Variants in MYO1D observed in about 807,000 individuals in gnomAD.
The protein encoded by MYO1D is unconventional myosin-Id.
MYO1D carries 83 observed loss-of-function variants against 122.0 expected under a neutral mutation model. The ratio of observed to expected loss-of-function variants is 0.68; its 90% CI spans 0.57 to 0.82. The LOEUF (loss-of-function observed/expected upper bound fraction) is 0.82, where lower values mean the gene tolerates loss of function less well. MYO1D is among the 40% of genes least tolerant of loss of function. MYO1D has a pLI of 0.00. For missense variants in MYO1D, 1,157 were observed against 1,269.5 expected, an observed-to-expected ratio of 0.91 and a Z score of 1.35; for synonymous variants, 464 against 446.9, an observed-to-expected ratio of 1.04 and a Z score of -0.48.
At position 32,494,997 on chromosome 17, in the gene MYO1D, T is replaced by C. The variant is rs554092073; in HGVS notation, c.2865-82A>G. On this transcript the variant is annotated intron_variant, in intron 21 of 21. Coordinates refer to ENST00000318217, the MANE Select transcript of MYO1D (RefSeq NM_015194.3). ...CCTGCCCGGCAGCTCCCGGCCACCATTGGCTCCGGCGCAGCCTGCTTCCTC... is the reference window on the plus strand; with the variant it reads ...CCTGCCCGGCAGCTCCCGGCCACCACTGGCTCCGGCGCAGCCTGCTTCCTC... 2.8e-4 allele frequency: 402 copies of C among 1,441,938 alleles called. 1 individual carries two copies. The East Asian group carries it at 9.6e-3, about 35-fold the overall frequency. The allele number at this position is 1,441,938 out of a possible 1,614,324, so 89.3% of individuals were successfully genotyped here.
At chr17:32,585,595 T>C (rs1716533919) in intron 21 of MYO1D, among the ~76,000 whole-genome samples, 4 of 152,044 alleles carry the variant, frequency 2.6e-5, no homozygotes. Flanking sequence ...CCAGGTGTGG[T>C]AGCGGGCGCC....
chr17:32,781,879 T>C (rs1282462754), intron 1 of MYO1D, among the ~76,000 whole-genome samples: 2 of 152,142 alleles, frequency 1.3e-5, no homozygotes, highest in African/African-American at 2.4e-5. Flanking sequence ...AATCCACACA[T>C]AGAAACATAT....
At chr17:32,704,337 A>G (rs1186231182) in intron 16 of MYO1D, among the ~76,000 whole-genome samples, 1 of 152,222 alleles carries the variant, frequency 6.6e-6, no homozygotes, top group African/African-American at 2.4e-5. Context: ...GGCTTTTTAT[A>G]AAACACATTT....
At chr17:32,808,415 C>T (rs1016490816) in intron 1 of MYO1D, among the ~76,000 whole-genome samples, 5 of 149,382 alleles carry the variant, frequency 3.3e-5, no homozygotes, top group Non-Finnish European at 4.5e-5. Context: ...TTAAGTAATA[C>T]GTCAATAATC....
chr17:32,694,649 C>T (rs321165), intron 16 of MYO1D, among the ~76,000 whole-genome samples: 90,217 of 144,922 alleles, frequency 0.62, 28,217 homozygotes, highest in Middle Eastern at 0.75. Flanking sequence ...TGCAGTGAGC[C>T]GAGATTGCGC....
At chr17:32,538,935 A>C (rs1281124402) in intron 21 of MYO1D, among the ~76,000 whole-genome samples, 1 of 152,034 alleles carries the variant, frequency 6.6e-6, no homozygotes, top group Admixed American at 6.6e-5. Context: ...AACATCACAC[A>C]CAAGAGGCCG....
intron 11 of MYO1D, among the ~76,000 whole-genome samples, chr17:32,749,705 C>T (rs558040725): frequency 6.6e-6 from 1 of 152,244 alleles, no homozygotes; most frequent in South Asian, 2.1e-4. Context: ...CCAGCCTGGG[C>T]AATACAGCGA....
At chr17:32,675,518 A>C (rs889999998) in intron 16 of MYO1D, among the ~76,000 whole-genome samples, 1 of 152,180 alleles carries the variant, frequency 6.6e-6, no homozygotes, top group African/African-American at 2.4e-5. Flanking sequence ...AATAACAATC[A>C]AGTCAGAACA....
chr17:32,507,391 GAGAC>G (rs937803247), intron 21 of MYO1D, among the ~76,000 whole-genome samples: 1 of 152,072 alleles, frequency 6.6e-6, no homozygotes, highest in Non-Finnish European at 1.5e-5. Context: ...GTGACAGAGC[GAGAC>G]CCTATCTCAA....
At chr17:32,648,697 G>A (rs2088336508) in intron 19 of MYO1D, among the ~76,000 whole-genome samples, 3 of 152,198 alleles carry the variant, frequency 2.0e-5, no homozygotes, top group Non-Finnish European at 4.4e-5. Context: ...GGAGAGCTTT[G>A]GGGGTGGTGC....
intron 5 of MYO1D, among the ~76,000 whole-genome samples, 177 bp downstream of exon 5, chr17:32,772,612 A>G (rs565458086): frequency 6.6e-6 from 1 of 152,300 alleles, no homozygotes; most frequent in Non-Finnish European, 1.5e-5. Flanking sequence ...TGTTCATCCA[A>G]TCTCTTAAGC....
chr17:32,734,586 T>C (rs2089675702), intron 14 of MYO1D: 1 of 152,274 alleles, frequency 6.6e-6, no homozygotes, highest in Non-Finnish European at 1.5e-5. Context: ...CAGTATTCTA[T>C]AAATTCTGAC....
intron 1 of MYO1D, among the ~76,000 whole-genome samples, chr17:32,866,587 C>A (rs554161258): frequency 4.6e-5 from 7 of 152,334 alleles, no homozygotes; most frequent in African/African-American, 1.2e-4. Flanking sequence ...CCAGACTGAG[C>A]AGATTTACAC....
intron 1 of MYO1D, among the ~76,000 whole-genome samples, chr17:32,820,060 T>C (rs1046591967): frequency 6.6e-6 from 1 of 152,184 alleles, no homozygotes; most frequent in South Asian, 2.1e-4. Context: ...AGGAATCAAG[T>C]GGTTCAAAAC....
Position 32,712,190 on chromosome 17 carries a change from T to A in MYO1D, c.1919A>T (p.Lys640Met), listed in dbSNP as rs748275330. The A allele has an allele frequency of 1.9e-5, 31 of 1,612,068 alleles. No individual in the cohort carries two copies. The South Asian group carries it at 3.4e-4, about 18-fold the overall frequency. ...QTYEKFLHRYKMISEFTWPNH... is the reference protein window; with the variant it reads ...QTYEKFLHRYMMISEFTWPNH... ...GGGCCAGGTGAATTCAGAGATCATC[T>A]TATACCTGGATGAAAAAAAGAAACA... Residue 640 changes from lysine to methionine, a missense_variant, in exon 16 of 22, where the codon AAG (lysine) becomes ATG (methionine). Physicochemically the swap from Lys to Met is moderately conservative, Grantham distance 95. Coordinates refer to ENST00000318217, the MANE Select transcript of MYO1D (RefSeq NM_015194.3).
chr17:32,868,655 A>G (rs1366779573), intron 1 of MYO1D, among the ~76,000 whole-genome samples: 1 of 152,178 alleles, frequency 6.6e-6, no homozygotes, highest in Non-Finnish European at 1.5e-5. Context: ...GCATTAGTTG[A>G]GTGAGAATTA....
chr17:32,802,162 G>A (rs1440229086), intron 1 of MYO1D, among the ~76,000 whole-genome samples: 4 of 152,132 alleles, frequency 2.6e-5, no homozygotes, highest in Admixed American at 2.6e-4. Flanking sequence ...AACAGCTCAA[G>A]TCTGTGCTCT....
chr17:32,760,212 G>A, intron 10 of MYO1D, 78 bp downstream of exon 10: 3 of 1,225,126 alleles, frequency 2.4e-6, no homozygotes, highest in Non-Finnish European at 3.6e-6. Flanking sequence ...AAAAGATCAA[G>A]AAATACCTAA....
At chr17:32,632,221 CACT>C (rs2088017125) in intron 20 of MYO1D, among the ~76,000 whole-genome samples, 1 of 152,124 alleles carries the variant, frequency 6.6e-6, no homozygotes, top group Non-Finnish European at 1.5e-5. Flanking sequence ...GGTTATAGCT[CACT>C]TCAAATAACA....
Sources: gnomAD v4.1 joint callset for allele counts (sites outside exome capture counted in the v4.1 genomes callset) on GRCh38, gnomAD v4.1.1 for gene constraint, MANE v1.5 for transcripts, NCBI Gene and HGNC (gene_info 2026-07-23, HGNC 2026-07-21) for gene names.